ZSWIM4: variants seen among roughly 807,000 people sequenced by gnomAD.
ZSWIM4 encodes the protein zinc finger SWIM domain-containing protein 4.
ZSWIM4 carries 62 observed loss-of-function variants against 102.5 expected under a neutral mutation model. The observed-to-expected ratio is 0.60, with a 90% CI of 0.49 to 0.75. The LOEUF (loss-of-function observed/expected upper bound fraction) is 0.75. Ranked by LOEUF, ZSWIM4 falls within the 30% of genes least tolerant of loss-of-function variation. The pLI is 0.00. For missense variants in ZSWIM4, 1,280 were observed against 1,529.6 expected (o/e 0.84, Z 2.72); for synonymous variants, 652 against 674.5 (o/e 0.97, Z 0.52).
At chr19:13,819,516 T>C (rs1345942229) in intron 10 of ZSWIM4, 24 bp downstream of exon 10, 2 of 1,473,148 alleles carry the variant, frequency 1.4e-6, no homozygotes, top group Non-Finnish European at 1.8e-6. Flanking sequence ...GCCAAGGCAG[T>C]GGCAGGGGGA....
intron 12 of ZSWIM4, among the ~76,000 whole-genome samples, chr19:13,827,468 G>A (rs112087823): frequency 1.1e-4 from 17 of 150,568 alleles, no homozygotes; most frequent in Admixed American, 1.1e-3. Flanking sequence ...TGGTGGACGC[G>A]TGTAGTCCCA....
At chr19:13,827,222 G>T (rs1975633312) in intron 12 of ZSWIM4, among the ~76,000 whole-genome samples, 1 of 152,010 alleles carries the variant, frequency 6.6e-6, no homozygotes. Context: ...AGGAGTTTGA[G>T]GCTGCAGCAG....
In ZSWIM4 at chr19:13,830,675, C is replaced by T. The variant is rs770387382; in HGVS notation, c.2946C>T (p.Ile982=). 1.9e-6 allele frequency: 3 copies of T among 1,604,610 alleles called. No homozygotes were observed. The highest frequency in any genetic ancestry group is 1.7e-6 in the Non-Finnish European group (2 of 1,179,430). The change falls in exon 14 of 14, where the codon ATC becomes ATT. Residue 982 remains isoleucine (I), a synonymous_variant. Transcript: ENST00000590508. ...TGGGCCGGCACGAGCTCTCTGCCAT[C>T]GTCCCCCTCATCATTCGCAGCATCC... ...HSLGRHELSA[I]VPLIIRSIHC... is the part of the protein sequence containing the mutation.
rs761250990 is a variant in ZSWIM4 at position 13,830,368 on chromosome 19, C to T, written c.2639C>T (p.Ala880Val). Reference protein sequence around the residue: ...ACARTLALQCAMKDPQNCALP... With the variant: ...ACARTLALQCVMKDPQNCALP... Reference sequence around the variant, plus strand: ...GCCCGCACCCTGGCCTTGCAGTGCGCGATGAAGGACCCTCAGAACTGCGCC... The same window carrying T: ...GCCCGCACCCTGGCCTTGCAGTGCGTGATGAAGGACCCTCAGAACTGCGCC... Residue 880 changes from alanine to valine, a missense_variant, in exon 14 of 14, where the codon GCG becomes GTG. Physicochemically the swap from Ala to Val is moderately conservative, Grantham distance 64. Transcript: ENST00000590508. 1.2e-6 allele frequency: 2 copies of T among 1,613,030 alleles called. No individual in the cohort carries two copies. Among genetic ancestry groups the T allele is most frequent in the East Asian group, 2.2e-5 (1 of 44,874 alleles).
chr19:13,796,342 ACT>A (rs890109142), intron 1 of ZSWIM4, among the ~76,000 whole-genome samples: 5 of 151,296 alleles, frequency 3.3e-5, no homozygotes, highest in Non-Finnish European at 7.4e-5. Context: ...GCCTCTAGAG[ACT>A]CACACTACCC....
rs1175804891 is a variant in ZSWIM4, at chr19:13,828,636, A to T, written c.2380-9A>T. ...GGCTAACCCCCTTCTCCCCACCCCT[A>T]CCTTGCAGGTGATGCGGATGACTCT... On this transcript the variant is annotated splice_polypyrimidine_tract_variant and intron_variant, in intron 12 of 13. Transcript: ENST00000590508. 2.5e-6 allele frequency: 4 copies of T among 1,613,576 alleles called. No homozygotes were observed. The South Asian group carries it at 4.4e-5, about 18-fold the overall frequency.
rs1056794002 is a variant in ZSWIM4, at chr19:13,809,837, G to T, written c.1012+617G>T. 3.3e-5 allele frequency among the ~76,000 whole-genome samples: 5 copies of T among 152,032 alleles called. No homozygotes were observed. Among genetic ancestry groups the T allele is most frequent in the Non-Finnish European group, 2.9e-5 (2 of 68,010 alleles). On this transcript the variant is annotated intron_variant, in intron 5 of 13. Coordinates refer to ENST00000590508, the MANE Select transcript of ZSWIM4 (RefSeq NM_001367834.3). This position sits in a 1 kb window ranked among gnomAD's most constrained non-coding sequence, Gnocchi z 4.2. ...AGACAGGATCTCACTGTGCGCCCAGGCTGAAGTACAGTGGCACAGTCACGG... is the reference window on the plus strand; with the variant it reads ...AGACAGGATCTCACTGTGCGCCCAGTCTGAAGTACAGTGGCACAGTCACGG...
intron 8 of ZSWIM4, 90 bp downstream of exon 8, chr19:13,817,443 C>T: frequency 6.6e-7 from 1 of 1,515,388 alleles, no homozygotes; most frequent in Admixed American, 1.9e-5. Context: ...AGGTAACTCC[C>T]AGACTCTGAC....
chr19:13,819,492 G>A lies in ZSWIM4; in HGVS notation c.2060G>A (p.Arg687Lys). 1.3e-6 allele frequency: 2 copies of A among 1,591,980 alleles called. No individual in the cohort carries two copies. Among genetic ancestry groups the A allele is most frequent in the Non-Finnish European group, 1.7e-6 (2 of 1,169,254 alleles). Residue 687 changes from arginine (R) to lysine (K), a missense_variant and splice_region_variant, in exon 10 of 14, where the codon AGG becomes AAG. Coordinates refer to ENST00000590508, the MANE Select transcript of ZSWIM4 (RefSeq NM_001367834.3). ...TATCGCCTCGCGCTGCGAGCTATGA[G>A]GTGAGGATAGGTGGCCAAGGCAGTG... ...LAYRLALRAMRLPILETAFPA... is the reference protein window; with the variant it reads ...LAYRLALRAMKLPILETAFPA...
intron 8 of ZSWIM4, 96 bp downstream of exon 8, chr19:13,817,449 C>T: frequency 1.3e-6 from 2 of 1,502,114 alleles, no homozygotes; most frequent in South Asian, 2.5e-5. Context: ...CTCCCAGACT[C>T]TGACCCTTGG....
chr19:13,827,604 A>G (rs568745750), intron 12 of ZSWIM4, among the ~76,000 whole-genome samples: 48 of 142,576 alleles, frequency 3.4e-4, no homozygotes, highest in African/African-American at 8.9e-4. Flanking sequence ...AAAAAAAAAA[A>G]AAAGAAAAGA....
intron 12 of ZSWIM4, among the ~76,000 whole-genome samples, chr19:13,826,568 C>T (rs1182689800): frequency 2.6e-5 from 4 of 151,878 alleles, no homozygotes; most frequent in Non-Finnish European, 5.9e-5. Flanking sequence ...AGTTCGAGAC[C>T]AGCCTGGCCA....
intron 5 of ZSWIM4, among the ~76,000 whole-genome samples, chr19:13,811,839 C>T (rs994066882): frequency 1.2e-4 from 18 of 152,008 alleles, no homozygotes; most frequent in Non-Finnish European, 1.9e-4. Flanking sequence ...GTTTGGGAGG[C>T]CGAGGTGGGC....
intron 12 of ZSWIM4, among the ~76,000 whole-genome samples, chr19:13,827,032 T>C (rs930848499): frequency 6.6e-6 from 1 of 152,006 alleles, no homozygotes; most frequent in Non-Finnish European, 1.5e-5. Context: ...CACCTGTAAT[T>C]CCAGCATTTT....
chr19:13,800,015 A>G, intron 2 of ZSWIM4, 94 bp downstream of exon 2: 2 of 1,163,654 alleles, frequency 1.7e-6, no homozygotes, highest in East Asian at 3.1e-5. Context: ...GGGCCAGGGG[A>G]TGGGAGGTTA....
intron 12 of ZSWIM4, among the ~76,000 whole-genome samples, chr19:13,827,465 C>T (rs1299549348): frequency 2.6e-5 from 4 of 151,320 alleles, no homozygotes; most frequent in African/African-American, 2.4e-5. Flanking sequence ...TGGTGGTGGA[C>T]GCGTGTAGTC....
rs1465761130 is a variant in ZSWIM4, at chr19:13,814,805, A to C, written c.1471A>C (p.Ile491Leu). ...GGCCCTGCGGCTGGCAAGTGCCATC[A>C]TCAACACACTCCGGCTGCAGCAGCG... The part of the protein sequence containing the change: ...RQALRLASAI[I>L]NTLRLQQRHQ... Residue 491 changes from isoleucine (I) to leucine (L), a missense_variant, in exon 7 of 14, where the codon ATC becomes CTC. Ile to Leu is a conservative substitution (Grantham distance 5). Coordinates refer to ENST00000590508, the MANE Select transcript of ZSWIM4 (RefSeq NM_001367834.3). The C allele has an allele frequency of 7.8e-6, 10 of 1,281,394 alleles. No homozygotes were observed. The East Asian group carries it at 5.7e-4, about 73-fold the overall frequency. The allele number at this position is 1,281,394 out of a possible 1,614,324, so 79.4% of individuals were successfully genotyped here.
chr19:13,817,404 G>T (rs773997688), intron 8 of ZSWIM4, 51 bp downstream of exon 8: 3 of 1,584,198 alleles, frequency 1.9e-6, no homozygotes, highest in Non-Finnish European at 2.6e-6. Flanking sequence ...CGCCTCGTTG[G>T]CCACGCCCCC....
chr19:13,820,972 C>G (rs1975447016), intron 10 of ZSWIM4, among the ~76,000 whole-genome samples: 1 of 151,582 alleles, frequency 6.6e-6, no homozygotes, highest in Admixed American at 6.6e-5. Context: ...CCAGCAGATT[C>G]ACAGAAGGAG....
Sources: allele counts gnomAD v4.1 joint callset (sites outside exome capture counted in the v4.1 genomes callset), GRCh38; gene constraint gnomAD v4.1.1; non-coding constraint Gnocchi (gnomAD v3.1); transcripts MANE v1.5; gene names NCBI Gene and HGNC (gene_info 2026-07-23, HGNC 2026-07-21).